Variants in DNAH8 observed in about 807,000 individuals in gnomAD.
DNAH8 encodes axonemal beta dynein heavy chain 8.
A neutral mutation model predicts 562.1 loss-of-function variants in DNAH8; 382 were observed. That is an observed-to-expected ratio of 0.68 (90% CI 0.63 to 0.74). The LOEUF (loss-of-function observed/expected upper bound fraction) is 0.74, where lower values mean the gene tolerates loss of function less well. DNAH8 is among the 30% of genes least tolerant of loss of function. The pLI, the probability that DNAH8 is intolerant of heterozygous loss-of-function variation, is 0.00. For synonymous variants in DNAH8, 1,881 were observed against 1,919.4 expected (o/e 0.98, Z 0.52); for missense variants, 5,203 against 5,620.4 (o/e 0.93, Z 2.37).
intron 50 of DNAH8, 41 bp from the exon 51 acceptor site, chr6:38,872,865 C>T (rs1250834337): frequency 1.9e-6 from 3 of 1,606,948 alleles, no homozygotes; most frequent in Non-Finnish European, 2.5e-6. Flanking sequence ...ATTTTAATTA[C>T]TTGCAAGTGA....
intron 56 of DNAH8, among the ~76,000 whole-genome samples, chr6:38,885,998 G>A (rs939883569): frequency 4.6e-5 from 7 of 152,164 alleles, no homozygotes; most frequent in East Asian, 1.9e-4. Flanking sequence ...ATTGAAAGAC[G>A]GTTATATTTG....
At chr6:38,718,463 T>C (rs1034243936) in intron 1 of DNAH8, among the ~76,000 whole-genome samples, 4 of 152,212 alleles carry the variant, frequency 2.6e-5, no homozygotes, top group African/African-American at 4.8e-5. Flanking sequence ...TCAAAAACCA[T>C]GTAGAAAATG....
intron 11 of DNAH8, among the ~76,000 whole-genome samples, chr6:38,768,202 C>G (rs1257670139): frequency 6.6e-6 from 1 of 151,968 alleles, no homozygotes; most frequent in Non-Finnish European, 1.5e-5. Context: ...TTTATATATT[C>G]TGGATATTAA....
chr6:38,753,265 T>C (rs1183448742), intron 9 of DNAH8, among the ~76,000 whole-genome samples: 3 of 152,210 alleles, frequency 2.0e-5, no homozygotes, highest in Non-Finnish European at 4.4e-5. Flanking sequence ...AAATTGTATA[T>C]GGTGTTGGAG....
At chr6:38,823,476 G>A in intron 27 of DNAH8, 86 bp from the exon 28 acceptor site, 1 of 1,049,178 alleles carries the variant, frequency 9.5e-7, no homozygotes, top group African/African-American at 1.6e-5. Context: ...GTGTAAATGT[G>A]TATGAGCAAA....
chr6:38,874,348 CT>C (rs1777824812), intron 52 of DNAH8, among the ~76,000 whole-genome samples: 1 of 131,096 alleles, frequency 7.6e-6, no homozygotes, highest in Admixed American at 8.4e-5. Context: ...CTCTTCTTTT[CT>C]TTTCCTTTCT....
intron 88 of DNAH8, among the ~76,000 whole-genome samples, chr6:38,994,931 A>G (rs1765039647): frequency 6.6e-6 from 1 of 152,100 alleles, no homozygotes; most frequent in African/African-American, 2.4e-5. Context: ...ATTTCCTTCC[A>G]TAGGTACTCG....
chr6:38,803,320 T>C lies in DNAH8; in HGVS notation c.3034+9T>C, dbSNP rs12192604. ...AGTAGGAAAACAGTCAGGTAACTTT[T>C]CTCGTTACTGTGTTTGAATTACAAG... On this transcript the variant is annotated intron_variant, in intron 22 of 92. Transcript: ENST00000327475. 281,444 of 1,592,854 alleles carry C rather than the reference T, an allele frequency of 0.18. 27,357 individuals are homozygous for C. The highest frequency in any genetic ancestry group is 0.2 in the Non-Finnish European group (229,654 of 1,167,902).
intron 89 of DNAH8, among the ~76,000 whole-genome samples, chr6:39,011,538 A>G (rs1766209063): frequency 6.6e-6 from 1 of 152,204 alleles, no homozygotes; most frequent in African/African-American, 2.4e-5. Context: ...TGTATATTGC[A>G]TTGGCTTGTT....
At chr6:38,730,493 T>C (rs1383915490) in intron 4 of DNAH8, among the ~76,000 whole-genome samples, 2 of 152,270 alleles carry the variant, frequency 1.3e-5, no homozygotes, top group African/African-American at 4.8e-5. Context: ...CCTTTTGGTC[T>C]GAGACTACTC....
At chr6:38,847,742 T>C (rs1282564026) in intron 36 of DNAH8, among the ~76,000 whole-genome samples, 1 of 152,192 alleles carries the variant, frequency 6.6e-6, no homozygotes, top group African/African-American at 2.4e-5. Context: ...TTGAAACTGC[T>C]TGCCCTTGCT....
intron 3 of DNAH8, among the ~76,000 whole-genome samples, chr6:38,728,887 C>A (rs1408989378): frequency 6.6e-6 from 1 of 152,140 alleles, no homozygotes; most frequent in African/African-American, 2.4e-5. Context: ...ACTTGGGATA[C>A]TTCCGCTAGG....
chr6:38,913,496 A>G (rs1345565901), intron 66 of DNAH8, among the ~76,000 whole-genome samples: 1 of 152,174 alleles, frequency 6.6e-6, no homozygotes, highest in Non-Finnish European at 1.5e-5. Flanking sequence ...AATATGATTC[A>G]AAGGCAAAAA....
intron 28 of DNAH8, among the ~76,000 whole-genome samples, chr6:38,825,362 G>C (rs1198476557): frequency 6.6e-6 from 1 of 152,084 alleles, no homozygotes; most frequent in African/African-American, 2.4e-5. Flanking sequence ...AAAGGGGAAG[G>C]ATTGATAAGG....
chr6:38,727,273 C>G (rs149394311), intron 3 of DNAH8, among the ~76,000 whole-genome samples: 10 of 152,350 alleles, frequency 6.6e-5, no homozygotes, highest in Middle Eastern at 6.8e-3. Context: ...TTGTTTGCCT[C>G]TGGATCCATT....
chr6:38,912,224 A>G (rs1477599877), intron 66 of DNAH8, among the ~76,000 whole-genome samples: 1 of 152,160 alleles, frequency 6.6e-6, no homozygotes, highest in Non-Finnish European at 1.5e-5. Flanking sequence ...ACACTTTGAG[A>G]GGCCAACGCA....
rs568480936 is a variant in DNAH8, at chr6:38,850,261, G to A, written c.5210G>A (p.Arg1737His). 61 of 1,612,522 alleles carry A rather than the reference G, an allele frequency of 3.8e-5. 1 individual carries two copies. In the South Asian group the frequency reaches 4.0e-4, roughly 10 times the overall value. Reference sequence around the variant, plus strand: ...TGGATGCATTTTCAGGAAGCAAAACGTTTTCAGAATATTGACAAGTCTTGG... The same window carrying A: ...TGGATGCATTTTCAGGAAGCAAAACATTTTCAGAATATTGACAAGTCTTGG... The part of the protein sequence containing the change: ...IAKQLPQEAK[R>H]FQNIDKSWIK... The change falls in exon 38 of 93, where the codon CGT becomes CAT. Residue 1737 changes from arginine (R) to histidine (H), a missense_variant. Transcript: ENST00000327475.
intron 9 of DNAH8, among the ~76,000 whole-genome samples, chr6:38,754,521 G>A (rs1267703916): frequency 2.0e-5 from 3 of 152,008 alleles, no homozygotes; most frequent in Non-Finnish European, 4.4e-5. Context: ...ACAGTAATCG[G>A]TAGTTGTTTT....
intron 26 of DNAH8, among the ~76,000 whole-genome samples, chr6:38,817,594 G>T (rs1772400833): frequency 1.3e-5 from 2 of 152,178 alleles, no homozygotes; most frequent in South Asian, 4.1e-4. Flanking sequence ...ACTCAGGAGT[G>T]GCCCTAAAGG....
Sources: gnomAD v4.1 joint callset for allele counts (sites outside exome capture counted in the v4.1 genomes callset) on GRCh38, gnomAD v4.1.1 for gene constraint, MANE v1.5 for transcripts, NCBI Gene and HGNC (gene_info 2026-07-23, HGNC 2026-07-21) for gene names.